PDE4A: variants seen among roughly 807,000 people sequenced by gnomAD.
PDE4A encodes the protein 3',5'-cyclic-AMP phosphodiesterase 4A.
PDE4A carries 21 observed loss-of-function variants against 73.9 expected under a neutral mutation model. That is an observed-to-expected ratio of 0.28 (90% CI 0.20 to 0.41). PDE4A has a LOEUF of 0.41. Among genes scored for constraint, PDE4A ranks in the 10% least tolerant of loss-of-function variants. The pLI is 1.00. For missense variants in PDE4A, 958 were observed against 1,211.4 expected (o/e 0.79, Z 3.10); for synonymous variants, 463 against 505.4 (o/e 0.92, Z 1.13).
At chr19:10,439,333 C>T in intron 1 of PDE4A, among the ~76,000 whole-genome samples, 1 of 152,060 alleles carries the variant, frequency 6.6e-6, no homozygotes, top group East Asian at 1.9e-4. Flanking sequence ...AGGTGCCTGC[C>T]ACCACGCCCA....
At chr19:10,449,676 TAAAG>T (rs2043063271) in intron 4 of PDE4A, among the ~76,000 whole-genome samples, 1 of 151,966 alleles carries the variant, frequency 6.6e-6, no homozygotes, top group South Asian at 2.1e-4. Flanking sequence ...TTTTTATAAA[TAAAG>T]ATTTAGGGGT....
rs372037372 is a variant in PDE4A, at chr19:10,458,306, G to A, written c.1101+204G>A. On this transcript the variant is annotated intron_variant, in intron 8 of 14. Coordinates refer to ENST00000380702, the MANE Select transcript of PDE4A (RefSeq NM_001111307.2). The surrounding 1 kb of genome is among the most constrained non-coding windows in gnomAD (Gnocchi z 4.6). ...TTGGGGGCCGTCCCCAGGGCTGGACGTATCACCTCTTGCATGTAGCTCCTG... is the reference window on the plus strand; with the variant it reads ...TTGGGGGCCGTCCCCAGGGCTGGACATATCACCTCTTGCATGTAGCTCCTG... Among the ~76,000 whole-genome samples, 9 of 152,288 alleles carry A rather than the reference G, an allele frequency of 5.9e-5. No individual in the cohort carries two copies. Among genetic ancestry groups the A allele is most frequent in the South Asian group, 4.1e-4 (2 of 4,834 alleles).
intron 1 of PDE4A, among the ~76,000 whole-genome samples, chr19:10,433,833 G>T (rs533507736): frequency 1.3e-5 from 2 of 152,234 alleles, no homozygotes; most frequent in Non-Finnish European, 2.9e-5. Context: ...AGTGAGTCAG[G>T]TGGAAAAGCA....
chr19:10,420,569 G>A lies in PDE4A; in HGVS notation c.-196G>A, dbSNP rs997896386. The A allele has an allele frequency of 4.8e-6, 6 of 1,247,478 alleles. No homozygotes were observed. The highest frequency in any genetic ancestry group is 3.1e-4 in the Middle Eastern group (1 of 3,254). 77.3% of individuals were successfully genotyped at this position (1,247,478 alleles called of 1,614,324 possible). On this transcript the variant is annotated 5_prime_UTR_variant, in exon 1 of 15. Transcript: ENST00000380702. The surrounding 1 kb of genome is among the most constrained non-coding windows in gnomAD (Gnocchi z 6.0). The stretch of plus-strand genomic sequence containing the variant: ...CGCCGGGCACTGAGCAGAGCTCCAG[G>A]CGCCGAAAGGAAGCTGCAGAGCCCG...
At chr19:10,420,445 C>A, upstream of PDE4A, 1 of 797,128 alleles carries the variant, frequency 1.3e-6, no homozygotes, top group Non-Finnish European at 1.5e-6. The surrounding 1 kb of genome is among the most constrained non-coding windows in gnomAD (Gnocchi z 6.0). Context: ...CGCTGACAGC[C>A]GCGGCGGGCG....
At chr19:10,427,921 G>C (rs552818848) in intron 1 of PDE4A, 1 of 908,660 alleles carries the variant, frequency 1.1e-6, no homozygotes, top group East Asian at 1.2e-4. Flanking sequence ...CTTGAGCCTG[G>C]GAGGTGGAGG....
At chr19:10,454,975 G>C (rs74453701) in intron 7 of PDE4A, 53 bp downstream of exon 7, 69,554 of 1,569,250 alleles carry the variant, frequency 0.044, 1,788 homozygotes, top group Middle Eastern at 0.07. Flanking sequence ...GGGTAGAGAG[G>C]GGGCTGCCCC....
At chr19:10,455,428 C>T (rs180947771) in intron 7 of PDE4A, among the ~76,000 whole-genome samples, 1 of 149,560 alleles carries the variant, frequency 6.7e-6, no homozygotes, top group East Asian at 2.0e-4. Flanking sequence ...CGCTCCATTG[C>T]ACTCCAGCCT....
chr19:10,419,063 T>C (rs2042614364), upstream of PDE4A: 1 of 947,078 alleles, frequency 1.1e-6, no homozygotes, highest in African/African-American at 2.4e-5. Context: ...AGTCTTTTTT[T>C]TTTTTTTTTT....
At chr19:10,459,016 G>A (rs533184662) in intron 8 of PDE4A, 12 of 191,396 alleles carry the variant, frequency 6.3e-5, no homozygotes, top group African/African-American at 9.4e-5. Flanking sequence ...CCTGGGGCTC[G>A]TGAACAGCTT....
rs528727473 is a variant in PDE4A, at chr19:10,436,496, A to C, written c.321-9722A>C. ...CTTGAACCTGAGAGGCGGAGGTTGCAGTGAGCCGAGATGGCGCCACTGCAC... is the reference window on the plus strand; with the variant it reads ...CTTGAACCTGAGAGGCGGAGGTTGCCGTGAGCCGAGATGGCGCCACTGCAC... On this transcript the variant is annotated intron_variant, in intron 1 of 14. Coordinates refer to ENST00000380702, the MANE Select transcript of PDE4A (RefSeq NM_001111307.2). Among the ~76,000 whole-genome samples, 4 of 152,250 alleles carry C rather than the reference A, an allele frequency of 2.6e-5. No individual in the cohort carries two copies. In the East Asian group the frequency reaches 7.7e-4, roughly 29 times the overall value.
chr19:10,450,984 G>A, intron 6 of PDE4A, 43 bp downstream of exon 6: 9 of 1,542,008 alleles, frequency 5.8e-6, no homozygotes, highest in Non-Finnish European at 7.0e-6. Flanking sequence ...GGCAGGCGGG[G>A]GCGGGGCCAG....
upstream of PDE4A, chr19:10,417,957 T>C: frequency 7.1e-7 from 1 of 1,400,016 alleles, no homozygotes; most frequent in African/African-American, 1.4e-5. Context: ...CCGATCTCCA[T>C]GCTCCCTGCC....
chr19:10,455,066 A>G (rs2043149671), intron 7 of PDE4A, 144 bp downstream of exon 7: 4 of 749,236 alleles, frequency 5.3e-6, no homozygotes, highest in Admixed American at 2.3e-5. Flanking sequence ...CCTATCCAGG[A>G]ACCCTCATGT....
At chr19:10,445,249 G>A (rs2042988342) in intron 1 of PDE4A, among the ~76,000 whole-genome samples, 1 of 152,214 alleles carries the variant, frequency 6.6e-6, no homozygotes, top group Non-Finnish European at 1.5e-5. Context: ...AACCAGTCCT[G>A]GCTGAGGGAA....
At chr19:10,464,831 C>A (rs1341472986) in intron 14 of PDE4A, among the ~76,000 whole-genome samples, 1 of 152,008 alleles carries the variant, frequency 6.6e-6, no homozygotes, top group Non-Finnish European at 1.5e-5. Flanking sequence ...GATCCTCCAC[C>A]CCCGCCTCCA....
chr19:10,442,856 A>G (rs2042956497), intron 1 of PDE4A, among the ~76,000 whole-genome samples: 1 of 149,300 alleles, frequency 6.7e-6, no homozygotes, highest in Non-Finnish European at 1.5e-5. Flanking sequence ...AATATTATAT[A>G]CATGCATGTA....
chr19:10,429,626 C>G (rs1357516568), intron 1 of PDE4A, among the ~76,000 whole-genome samples: 1 of 152,230 alleles, frequency 6.6e-6, no homozygotes, highest in Non-Finnish European at 1.5e-5. Flanking sequence ...GCATGAGCCA[C>G]CACACCTGCC....
chr19:10,440,486 C>T (rs1383180032), intron 1 of PDE4A, among the ~76,000 whole-genome samples: 1 of 152,096 alleles, frequency 6.6e-6, no homozygotes, highest in Non-Finnish European at 1.5e-5. Context: ...TGCAGTGGCA[C>T]GATGTCAGCT....
Sources: gnomAD v4.1 joint callset for allele counts (sites outside exome capture counted in the v4.1 genomes callset) on GRCh38, gnomAD v4.1.1 for gene constraint, Gnocchi (gnomAD v3.1) non-coding constraint, MANE v1.5 for transcripts, NCBI Gene and HGNC (gene_info 2026-07-23, HGNC 2026-07-21) for gene names.